The following PDE10A variants were observed in gnomAD, a reference collection of about 807,000 sequenced individuals.
PDE10A encodes the protein phosphodiesterase 10A.
PDE10A carries 39 observed loss-of-function variants against 97.7 expected under a neutral mutation model. The ratio of observed to expected loss-of-function variants is 0.40; its 90% confidence interval spans 0.31 to 0.52. PDE10A has a LOEUF of 0.52. PDE10A is among the 20% of genes least tolerant of loss of function. PDE10A has a pLI of 0.56. For missense variants in PDE10A, 731 were observed against 1,047.8 expected (o/e 0.70, Z 4.17); for synonymous variants, 371 against 376.8 (o/e 0.98, Z 0.18).
intron 1 of PDE10A, among the ~76,000 whole-genome samples, chr6:165,676,746 T>G (rs1443426606): frequency 6.6e-6 from 1 of 152,216 alleles, no homozygotes; most frequent in Non-Finnish European, 1.5e-5. Context: ...CTGACTTTTT[T>G]TTTTAAAGCT....
At chr6:165,665,417 A>T (rs1241848900), upstream of PDE10A, among the ~76,000 whole-genome samples, 1 of 152,098 alleles carries the variant, frequency 6.6e-6, no homozygotes, top group Non-Finnish European at 1.5e-5. Context: ...CAGAAGGAGG[A>T]GAGGGCTGTG....
chr6:165,399,412 C>T (rs537595469), intron 13 of PDE10A, among the ~76,000 whole-genome samples: 79 of 152,124 alleles, frequency 5.2e-4, no homozygotes, highest in Admixed American at 1.8e-3. Context: ...AATTATACTG[C>T]CCAAATCCAA....
intron 1 of PDE10A, among the ~76,000 whole-genome samples, chr6:165,901,743 G>A (rs1282769217): frequency 6.6e-6 from 1 of 152,106 alleles, no homozygotes; most frequent in African/African-American, 2.4e-5. Flanking sequence ...TGGAGGTTGT[G>A]GTGAGCTGAG....
intron 1 of PDE10A, among the ~76,000 whole-genome samples, chr6:165,902,294 G>T (rs1782134444): frequency 6.6e-6 from 1 of 152,190 alleles, no homozygotes; most frequent in Admixed American, 6.5e-5. Flanking sequence ...TTGAACCTTT[G>T]CTTCCTCGGC....
chr6:165,885,508 G>C (rs1254347856), intron 1 of PDE10A, among the ~76,000 whole-genome samples: 1 of 152,224 alleles, frequency 6.6e-6, no homozygotes, highest in Non-Finnish European at 1.5e-5. Flanking sequence ...TGAGATTTGG[G>C]TGGAGACACG....
intron 1 of PDE10A, among the ~76,000 whole-genome samples, chr6:165,631,754 C>A (rs1355052748): frequency 3.3e-5 from 5 of 152,116 alleles, no homozygotes; most frequent in Non-Finnish European, 7.4e-5. Context: ...GTGCAGTATG[C>A]TACAGATGCC....
At chr6:165,359,668 C>T (rs1303691758) in intron 18 of PDE10A, among the ~76,000 whole-genome samples, 1 of 152,144 alleles carries the variant, frequency 6.6e-6, no homozygotes, top group African/African-American at 2.4e-5. Flanking sequence ...TCATCTTGGG[C>T]TCTGTTTCTC....
intron 1 of PDE10A, among the ~76,000 whole-genome samples, chr6:165,599,811 G>A (rs1786829771): frequency 6.6e-6 from 1 of 152,144 alleles, no homozygotes; most frequent in East Asian, 1.9e-4. Context: ...GGCCTCCACG[G>A]CCTCCTCCAC....
chr6:165,430,396 A>T (rs1364138482), intron 8 of PDE10A, 51 bp from the exon 9 acceptor site: 1 of 1,184,964 alleles, frequency 8.4e-7, no homozygotes, highest in Non-Finnish European at 1.2e-6. Flanking sequence ...GCTTATTTCA[A>T]AATAAAACTT....
chr6:165,829,551 G>C (rs746266310), intron 1 of PDE10A, among the ~76,000 whole-genome samples: 5 of 152,184 alleles, frequency 3.3e-5, no homozygotes, highest in Non-Finnish European at 7.3e-5. Flanking sequence ...ATCAGGAACC[G>C]GGCAGGTGAA....
chr6:165,421,288 T>C (rs1260511370), intron 10 of PDE10A, among the ~76,000 whole-genome samples: 1 of 151,468 alleles, frequency 6.6e-6, no homozygotes, highest in Non-Finnish European at 1.5e-5. Flanking sequence ...CAAAACAATA[T>C]AAAAATTAGT....
At chr6:165,352,415 C>T (rs1042825284) in intron 18 of PDE10A, among the ~76,000 whole-genome samples, 1 of 152,026 alleles carries the variant, frequency 6.6e-6, no homozygotes, top group Non-Finnish European at 1.5e-5. Context: ...GACTGTCATC[C>T]ATCAACTACC....
intron 2 of PDE10A, among the ~76,000 whole-genome samples, chr6:165,523,708 G>C (rs901179833): frequency 3.1e-4 from 47 of 151,950 alleles, no homozygotes; most frequent in African/African-American, 1.1e-3. Context: ...CATCAGACTT[G>C]GCAAATAATT....
intron 1 of PDE10A, among the ~76,000 whole-genome samples, chr6:165,693,392 G>A (rs558613723): frequency 1.3e-5 from 2 of 151,834 alleles, no homozygotes; most frequent in Non-Finnish European, 2.9e-5. Flanking sequence ...TTTGCTGGGC[G>A]TGGTGGTGGA....
intron 10 of PDE10A, among the ~76,000 whole-genome samples, chr6:165,428,244 C>G (rs1429251204): frequency 6.6e-6 from 1 of 152,072 alleles, no homozygotes; most frequent in African/African-American, 2.4e-5. Context: ...GCCTATAACT[C>G]TACGTCATAC....
At chr6:165,947,850 C>G (rs1289377070) in intron 1 of PDE10A, among the ~76,000 whole-genome samples, 4 of 152,072 alleles carry the variant, frequency 2.6e-5, no homozygotes. Context: ...CATCACTTAC[C>G]CCCGACCTGG....
chr6:165,467,341 C>T (rs541632666), intron 3 of PDE10A, among the ~76,000 whole-genome samples: 5 of 152,298 alleles, frequency 3.3e-5, no homozygotes, highest in African/African-American at 9.6e-5. Flanking sequence ...AACATTCTTA[C>T]AACACTGAGG....
intron 1 of PDE10A, among the ~76,000 whole-genome samples, chr6:165,861,582 G>A (rs921714514): frequency 3.9e-5 from 6 of 151,914 alleles, no homozygotes; most frequent in African/African-American, 9.7e-5. Flanking sequence ...TGAAGGCTCC[G>A]AGCAAGCAGA....
chr6:165,747,319 G>T (rs907371061), intron 1 of PDE10A, among the ~76,000 whole-genome samples: 1 of 152,214 alleles, frequency 6.6e-6, no homozygotes. Context: ...AAGATGTCAG[G>T]CTACACACAG....
Sources: gnomAD v4.1 joint callset for allele counts (sites outside exome capture counted in the v4.1 genomes callset) on GRCh38, gnomAD v4.1.1 for gene constraint, MANE v1.5 for transcripts, NCBI Gene and HGNC (gene_info 2026-07-23, HGNC 2026-07-21) for gene names.